Variants in GAD1 observed in about 807,000 individuals in gnomAD.
The protein encoded by GAD1 is 67 kDa glutamic acid decarboxylase.
In GAD1, 35 loss-of-function variants were observed where a neutral mutation model predicts 75.2. The observed-to-expected ratio is 0.47, with a 90% CI of 0.36 to 0.62. GAD1 has a LOEUF of 0.62. GAD1 is among the 20% of genes least tolerant of loss of function. The pLI, the probability that GAD1 is intolerant of heterozygous loss-of-function variation, is 0.00. For synonymous variants in GAD1, 257 were observed against 271.9 expected, an observed-to-expected ratio of 0.95 and a Z score of 0.54; for missense variants, 490 against 758.5, an observed-to-expected ratio of 0.65 and a Z score of 4.16.
chr2:170,854,397 C>CTTTTTTT (rs71399565), intron 14 of GAD1, among the ~76,000 whole-genome samples: 5 of 112,776 alleles, frequency 4.4e-5, no homozygotes, highest in East Asian at 2.4e-4. Flanking sequence ...ACCTTGAATT[C>CTTTTTTT]TTTTTTTTTT....
chr2:170,855,767 G>A (rs2105811983), intron 14 of GAD1, among the ~76,000 whole-genome samples: 1 of 150,776 alleles, frequency 6.6e-6, no homozygotes, highest in East Asian at 2.0e-4. Flanking sequence ...CAGCTACTTA[G>A]GAGGCTGAGG....
At chr2:170,822,822 C>G (rs1182934957) in intron 3 of GAD1, among the ~76,000 whole-genome samples, 4 of 152,128 alleles carry the variant, frequency 2.6e-5, no homozygotes, top group Non-Finnish European at 5.9e-5. Context: ...TTGCCTGGCG[C>G]ATCCTTGAAG....
At chr2:170,833,396 A>G (rs1274156117) in intron 5 of GAD1, among the ~76,000 whole-genome samples, 1 of 152,262 alleles carries the variant, frequency 6.6e-6, no homozygotes, top group Non-Finnish European at 1.5e-5. Context: ...ATTTTTAAAG[A>G]AAAGCACTCT....
intron 10 of GAD1, 138 bp from the exon 11 acceptor site, chr2:170,847,538 T>C: frequency 1.3e-6 from 1 of 755,222 alleles, no homozygotes; most frequent in Non-Finnish European, 2.4e-6. Context: ...AAAACACTAC[T>C]AGACATAGTA....
rs1433546637 is a variant in GAD1 at position 170,852,263 on chromosome 2, T to C, written c.1185-451T>C. 3.3e-5 allele frequency among the ~76,000 whole-genome samples: 5 copies of C among 152,194 alleles called. No individual in the cohort carries two copies. In the East Asian group the frequency reaches 9.6e-4, roughly 29 times the overall value. Reference sequence around the variant, plus strand: ...TGTGTGCCAGGCACTCTTATAAGCATTTTATATTAAGTTATTTTGTCCTTT... The same window carrying C: ...TGTGTGCCAGGCACTCTTATAAGCACTTTATATTAAGTTATTTTGTCCTTT... On this transcript the variant is annotated intron_variant, in intron 12 of 16. Transcript: ENST00000358196.
chr2:170,839,084 C>T (rs910685071), intron 6 of GAD1, among the ~76,000 whole-genome samples: 44 of 152,184 alleles, frequency 2.9e-4, no homozygotes, highest in Non-Finnish European at 1.8e-4. Flanking sequence ...ACAATTCCTT[C>T]TCCAGTCGGG....
At chr2:170,854,439 A>C (rs779139575) in intron 14 of GAD1, among the ~76,000 whole-genome samples, 37 of 125,620 alleles carry the variant, frequency 2.9e-4, no homozygotes, top group Admixed American at 7.2e-4. Flanking sequence ...CTCACTCTGT[A>C]GCCCAGGCTG....
upstream of GAD1, chr2:170,816,201 G>A (rs1701694400): frequency 6.6e-6 from 1 of 152,542 alleles, no homozygotes; most frequent in South Asian, 2.1e-4. Flanking sequence ...CGAGCGCATA[G>A]CAAAAGGGAC....
intron 3 of GAD1, chr2:170,829,099 C>T (rs890602531): frequency 5.7e-6 from 2 of 352,450 alleles, no homozygotes; most frequent in Non-Finnish European, 5.5e-6. Context: ...TTATACAGCC[C>T]ATAAACAGTG....
chr2:170,851,919 G>C (rs1265081343), intron 12 of GAD1, among the ~76,000 whole-genome samples: 1 of 152,198 alleles, frequency 6.6e-6, no homozygotes, highest in Non-Finnish European at 1.5e-5. Context: ...GGTAGTCAGA[G>C]TCTAGAGTAG....
At chr2:170,832,644 GCACACATGCGCGCGCGCGCGCACA>G (rs1258122808) in intron 5 of GAD1, among the ~76,000 whole-genome samples, 2 of 145,872 alleles carry the variant, frequency 1.4e-5, no homozygotes, top group Non-Finnish European at 3.0e-5. Context: ...AAAGACACAG[GCACACATGCGCGCGCGCGCGCACA>G]CACACACACA....
intron 3 of GAD1, among the ~76,000 whole-genome samples, chr2:170,828,146 TCACCC>T (rs1702075795): frequency 7.0e-6 from 1 of 142,216 alleles, no homozygotes. Context: ...TCTGCTGTCC[TCACCC>T]TCCTCCCTCT....
At chr2:170,858,322 GT>G (rs1353794986) in intron 15 of GAD1, among the ~76,000 whole-genome samples, 2 of 151,798 alleles carry the variant, frequency 1.3e-5, no homozygotes, top group African/African-American at 4.8e-5. Flanking sequence ...CAGTCTTTTG[GT>G]TTTTTTTAGG....
chr2:170,817,243 C>T (rs1017190540), intron 1 of GAD1, 195 bp downstream of exon 1: 5 of 146,692 alleles, frequency 3.4e-5, no homozygotes, highest in South Asian at 2.3e-4. Flanking sequence ...CCCCCCGCCT[C>T]CCTCGTCACT....
At chr2:170,831,572 T>C (rs2105779270) in intron 5 of GAD1, among the ~76,000 whole-genome samples, 1 of 145,058 alleles carries the variant, frequency 6.9e-6, no homozygotes, top group South Asian at 2.2e-4. Context: ...CTGGGCAACA[T>C]GGCGAAACCT....
intron 12 of GAD1, among the ~76,000 whole-genome samples, chr2:170,852,309 C>T (rs542374042): frequency 1.3e-5 from 2 of 152,156 alleles, no homozygotes; most frequent in Non-Finnish European, 2.9e-5. Flanking sequence ...GTGAGGCACA[C>T]ACTCCCCATT....
In GAD1 at chr2:170,855,498, G is replaced by A. The variant is rs372587420; in HGVS notation, c.1413+1476G>A. Reference sequence around the variant, plus strand: ...GCTGGGATTACAGGCGTGAGCCACCGCACCCAGCTCTATTTTGACTTAATA... The same window carrying A: ...GCTGGGATTACAGGCGTGAGCCACCACACCCAGCTCTATTTTGACTTAATA... On this transcript the variant is annotated intron_variant, in intron 14 of 16. Coordinates refer to ENST00000358196, the MANE Select transcript of GAD1 (RefSeq NM_000817.3). 2.4e-4 allele frequency among the ~76,000 whole-genome samples: 36 copies of A among 150,762 alleles called. 1 individual carries two copies. The South Asian group carries it at 5.1e-3, about 22-fold the overall frequency.
At chr2:170,828,513 C>T (rs1285329954) in intron 3 of GAD1, among the ~76,000 whole-genome samples, 1 of 142,688 alleles carries the variant, frequency 7.0e-6, no homozygotes, top group African/African-American at 2.6e-5. Flanking sequence ...TCTCCTCCCT[C>T]TGCTGTCCTT....
chr2:170,824,074 C>T (rs981667695), intron 3 of GAD1, among the ~76,000 whole-genome samples: 6 of 152,152 alleles, frequency 3.9e-5, no homozygotes, highest in Admixed American at 3.9e-4. Flanking sequence ...ACTCCCCCTC[C>T]CCCACTGTCA....
Sources: allele counts gnomAD v4.1 joint callset (sites outside exome capture counted in the v4.1 genomes callset), GRCh38; gene constraint gnomAD v4.1.1; transcripts MANE v1.5; gene names NCBI Gene and HGNC (gene_info 2026-07-23, HGNC 2026-07-21).